Variants in TSHZ2 observed in about 807,000 individuals in gnomAD.
The protein encoded by TSHZ2 is teashirt homolog 2.
Under a neutral mutation model 74.4 loss-of-function variants are expected in TSHZ2, and 21 were observed. The observed-to-expected ratio is 0.28, with a 90% CI of 0.20 to 0.41. TSHZ2 has a LOEUF of 0.41. Ranked by LOEUF, TSHZ2 falls within the 10% of genes least tolerant of loss-of-function variation. TSHZ2 has a pLI of 1.00. For missense variants in TSHZ2, 1,244 were observed against 1,293.5 expected (o/e 0.96, Z 0.59); for synonymous variants, 540 against 515.3 (o/e 1.05, Z -0.65).
chr20:53,427,780 G>A (rs1209614234), intron 2 of TSHZ2, among the ~76,000 whole-genome samples: 3 of 152,064 alleles, frequency 2.0e-5, no homozygotes, highest in Admixed American at 2.0e-4. Flanking sequence ...CCTTTCCATG[G>A]TCTTCTCCAG....
At chr20:53,281,497 G>T (rs193120920) in intron 2 of TSHZ2, among the ~76,000 whole-genome samples, 14 of 152,274 alleles carry the variant, frequency 9.2e-5, no homozygotes, top group Middle Eastern at 3.4e-3. Context: ...GCAGCCATAG[G>T]TGATATGTAA....
chr20:53,340,184 C>CTTTTTTTTTTTTTTTTTTTTTTTTT (rs557613827), intron 2 of TSHZ2, among the ~76,000 whole-genome samples: 4 of 109,872 alleles, frequency 3.6e-5, no homozygotes, highest in Non-Finnish European at 5.2e-5. Context: ...TTTCTTTTTT[C>CTTTTTTTTTTTTTTTTTTTTTTTTT]TTTTTTTTTT....
intron 1 of TSHZ2, among the ~76,000 whole-genome samples, chr20:53,104,422 T>G (rs921867570): frequency 6.6e-6 from 1 of 152,212 alleles, no homozygotes; most frequent in Non-Finnish European, 1.5e-5. Context: ...TTCACTTGCA[T>G]TTTAAGCAAA....
At chr20:53,431,456 CAAAA>C (rs58938803) in intron 2 of TSHZ2, among the ~76,000 whole-genome samples, 1 of 134,580 alleles carries the variant, frequency 7.4e-6, no homozygotes. Context: ...AACTCTGTCT[CAAAA>C]AAAAAAAAAA....
intron 2 of TSHZ2, among the ~76,000 whole-genome samples, chr20:53,298,276 A>ACAC (rs1991419461): frequency 6.6e-6 from 1 of 152,260 alleles, no homozygotes; most frequent in Admixed American, 6.5e-5. Context: ...AGAGGGGCAG[A>ACAC]GAACAAACAC....
chr20:53,290,431 T>C (rs1463842802), intron 2 of TSHZ2, among the ~76,000 whole-genome samples: 1 of 151,958 alleles, frequency 6.6e-6, no homozygotes, highest in African/African-American at 2.4e-5. Flanking sequence ...TGAGCAAACA[T>C]TTATACAATG....
At chr20:53,431,984 G>C (rs1337663593) in intron 2 of TSHZ2, among the ~76,000 whole-genome samples, 1 of 152,070 alleles carries the variant, frequency 6.6e-6, no homozygotes, top group Non-Finnish European at 1.5e-5. Context: ...AGAATTTGTG[G>C]GTTTTTTATT....
chr20:53,050,672 G>A (rs1284594327), intron 1 of TSHZ2, among the ~76,000 whole-genome samples: 1 of 152,196 alleles, frequency 6.6e-6, no homozygotes, highest in Non-Finnish European at 1.5e-5. Context: ...GGTTGTCTAG[G>A]AAGGGTCTTT....
intron 2 of TSHZ2, among the ~76,000 whole-genome samples, chr20:53,273,135 A>G (rs6123274): frequency 0.33 from 50,778 of 152,144 alleles, 11,639 homozygotes; most frequent in African/African-American, 0.65. Context: ...TTGTGGGATG[A>G]GCATGGGACA....
chr20:52,994,678 T>C (rs1982116496), intron 1 of TSHZ2, among the ~76,000 whole-genome samples: 1 of 152,170 alleles, frequency 6.6e-6, no homozygotes. Flanking sequence ...CATTAGCCCC[T>C]AGTCAGCTCT....
rs954916585 is a variant in TSHZ2 at position 53,478,443 on chromosome 20, A to G, written c.*9-8701A>G. Among the ~76,000 whole-genome samples the G allele has an allele frequency of 4.3e-3, 637 of 147,454 alleles. 2 individuals are homozygous for G. Among genetic ancestry groups the G allele is most frequent in the African/African-American group, 0.015 (600 of 40,122 alleles). Reference sequence around the variant, plus strand: ...AACCAAACACTGCATATTCTCACTCATAGGTGGGAATTGAACAATGAGATC... The same window carrying G: ...AACCAAACACTGCATATTCTCACTCGTAGGTGGGAATTGAACAATGAGATC... On this transcript the variant is annotated intron_variant, in intron 2 of 2. Transcript: ENST00000371497.
intron 2 of TSHZ2, among the ~76,000 whole-genome samples, chr20:53,316,220 G>A (rs1316110117): frequency 2.0e-5 from 3 of 152,152 alleles, no homozygotes; most frequent in Non-Finnish European, 2.9e-5. Flanking sequence ...AGGCACAAAC[G>A]GAAATCTCAC....
intron 2 of TSHZ2, among the ~76,000 whole-genome samples, chr20:53,477,851 G>A (rs1986030854): frequency 6.6e-6 from 1 of 150,500 alleles, no homozygotes; most frequent in African/African-American, 2.5e-5. Flanking sequence ...AGTGGGCGAA[G>A]GACATGAACA....
chr20:53,477,985 T>C (rs1986033862), intron 2 of TSHZ2, among the ~76,000 whole-genome samples: 1 of 142,428 alleles, frequency 7.0e-6, no homozygotes. Flanking sequence ...CTAGTTAGAA[T>C]GGCAATCATT....
At chr20:53,338,456 C>A (rs943903472) in intron 2 of TSHZ2, among the ~76,000 whole-genome samples, 5 of 152,204 alleles carry the variant, frequency 3.3e-5, no homozygotes, top group African/African-American at 1.2e-4. Flanking sequence ...AATTCAGGCA[C>A]TTTATGATTA....
At chr20:53,081,108 T>C (rs1381190234) in intron 1 of TSHZ2, among the ~76,000 whole-genome samples, 1 of 152,218 alleles carries the variant, frequency 6.6e-6, no homozygotes, top group East Asian at 1.9e-4. Context: ...CTCAAACTGC[T>C]GGGCTCAAGC....
chr20:53,055,144 A>G (rs757040038), intron 1 of TSHZ2, among the ~76,000 whole-genome samples: 4 of 152,092 alleles, frequency 2.6e-5, no homozygotes, highest in Non-Finnish European at 4.4e-5. Flanking sequence ...AAGCAAATGA[A>G]CAGGTCTAAA....
At chr20:53,396,295 G>A (rs1982443281) in intron 2 of TSHZ2, among the ~76,000 whole-genome samples, 1 of 152,192 alleles carries the variant, frequency 6.6e-6, no homozygotes, top group African/African-American at 2.4e-5. Flanking sequence ...ACGTATCGTG[G>A]TTCTGATGCA....
At chr20:52,978,928 T>C (rs1184983007) in intron 1 of TSHZ2, among the ~76,000 whole-genome samples, 1 of 152,212 alleles carries the variant, frequency 6.6e-6, no homozygotes, top group African/African-American at 2.4e-5. Context: ...CATTCATTTT[T>C]CAGTAATTTG....
Sources: gnomAD v4.1 joint callset for allele counts (sites outside exome capture counted in the v4.1 genomes callset) on GRCh38, gnomAD v4.1.1 for gene constraint, MANE v1.5 for transcripts, NCBI Gene and HGNC (gene_info 2026-07-23, HGNC 2026-07-21) for gene names.